The following ADIG variants were observed in gnomAD, a reference collection of about 807,000 sequenced individuals.
ADIG encodes adipogenin.
Under a neutral mutation model 10.7 loss-of-function variants are expected in ADIG, and 12 were observed. The observed-to-expected ratio is 1.12, with a 90% CI of 0.72 to 1.82. The LOEUF is 1.82. Among genes scored for constraint, ADIG ranks in the 40% most tolerant of loss-of-function variants. The pLI is 0.00. For synonymous variants in ADIG, 32 were observed against 35.6 expected (o/e 0.90, Z 0.36); for missense variants, 72 against 92.5 (o/e 0.78, Z 0.91).
Position 38,585,421 on chromosome 20 carries a change from A to G in ADIG, c.125-608A>G, listed in dbSNP as rs1026107680. On this transcript the variant is annotated intron_variant, in intron 1 of 2. Transcript: ENST00000537425. Reference sequence around the variant, plus strand: ...TCCTACATTTCTTTTTAATTTGCTTATAATATACCGTAGATATTCTGCAAG... The same window carrying G: ...TCCTACATTTCTTTTTAATTTGCTTGTAATATACCGTAGATATTCTGCAAG... 7.1e-6 allele frequency: 11 copies of G among 1,550,248 alleles called. No individual in the cohort carries two copies. In the African/African-American group the frequency reaches 1.4e-4, roughly 19 times the overall value.
At chr20:38,587,741 T>C (rs1357719086) in intron 2 of ADIG, among the ~76,000 whole-genome samples, 5 of 22,188 alleles carry the variant, frequency 2.3e-4, no homozygotes, top group Non-Finnish European at 2.2e-4. Flanking sequence ...CTTTTTTCCC[T>C]TTTTTTTTTT....
intron 1 of ADIG, among the ~76,000 whole-genome samples, chr20:38,584,181 T>C (rs2088614060): frequency 6.6e-6 from 1 of 151,842 alleles, no homozygotes; most frequent in Admixed American, 6.6e-5. Context: ...CTTTCCCAAG[T>C]CGAAGGAGGA....
At chr20:38,585,914 C>G in intron 1 of ADIG, 115 bp from the exon 2 acceptor site, 1 of 1,071,174 alleles carries the variant, frequency 9.3e-7, no homozygotes, top group South Asian at 1.5e-5. Context: ...CTGCCTTGGC[C>G]CTAGCCTCAG....
intron 1 of ADIG, among the ~76,000 whole-genome samples, chr20:38,583,435 A>G (rs931293578): frequency 1.3e-5 from 2 of 152,194 alleles, no homozygotes; most frequent in African/African-American, 4.8e-5. Flanking sequence ...AAATGGAGAC[A>G]ACACTAGTAC....
chr20:38,582,822 A>T (rs1188522673), intron 1 of ADIG, among the ~76,000 whole-genome samples: 236 of 148,740 alleles, frequency 1.6e-3, no homozygotes, highest in African/African-American at 5.3e-3. Flanking sequence ...TTTTTTTTTT[A>T]TTTTTATTTT....
intron 2 of ADIG, 46 bp from the exon 3 acceptor site, chr20:38,588,055 C>T (rs1310509808): frequency 8.0e-7 from 1 of 1,243,736 alleles, no homozygotes; most frequent in Non-Finnish European, 1.0e-6. Context: ...CCTCTTTTTT[C>T]TCATCCCAAT....
At chr20:38,588,013 C>G (rs2088652225) in intron 2 of ADIG, 88 bp from the exon 3 acceptor site, 2 of 1,212,042 alleles carry the variant, frequency 1.7e-6, no homozygotes, top group East Asian at 1.2e-4. Flanking sequence ...GCTGGGATTA[C>G]AGGCATGAAC....
At chr20:38,584,436 G>A (rs2088616924) in intron 1 of ADIG, among the ~76,000 whole-genome samples, 1 of 152,254 alleles carries the variant, frequency 6.6e-6, no homozygotes. Flanking sequence ...AAAGAGATGG[G>A]TTTGGGGCTG....
chr20:38,585,294 C>T, intron 1 of ADIG: 2 of 835,160 alleles, frequency 2.4e-6, no homozygotes, highest in Non-Finnish European at 3.7e-6. Flanking sequence ...TTTTTCTCAC[C>T]CTACCTCCCC....
At chr20:38,585,823 G>A (rs2088631217) in intron 1 of ADIG, 2 of 617,100 alleles carry the variant, frequency 3.2e-6, no homozygotes, top group Non-Finnish European at 5.7e-6. Flanking sequence ...CAAGTCACAG[G>A]AGCAGCCTTC....
At chr20:38,585,803 G>A (rs563247420) in intron 1 of ADIG, 29 of 607,924 alleles carry the variant, frequency 4.8e-5, no homozygotes, top group African/African-American at 1.9e-4. Flanking sequence ...CTCTAGATAC[G>A]GCCATTTTCC....
At chr20:38,583,748 A>T (rs972897355) in intron 1 of ADIG, among the ~76,000 whole-genome samples, 1 of 151,694 alleles carries the variant, frequency 6.6e-6, no homozygotes, top group African/African-American at 2.4e-5. Context: ...CCCCACTCCA[A>T]CCCCTCCGCA....
At chr20:38,582,240 T>C (rs1055034156) in intron 1 of ADIG, among the ~76,000 whole-genome samples, 1 of 152,160 alleles carries the variant, frequency 6.6e-6, no homozygotes, top group African/African-American at 2.4e-5. Context: ...CTACAAGGAA[T>C]ACAAAAATTA....
In ADIG at chr20:38,585,055, G is replaced by A. The variant is rs1238919600; in HGVS notation, c.125-974G>A. ...CTCCCAAAGTGCTGGGATTACAGGC[G>A]TGAGCCACTGTGCCCGGCCCCTACT... On this transcript the variant is annotated intron_variant, in intron 1 of 2. Transcript: ENST00000537425. Among the ~76,000 whole-genome samples the A allele has an allele frequency of 7.9e-5, 12 of 152,224 alleles. No individual in the cohort carries two copies. In the South Asian group the frequency reaches 1.9e-3, roughly 24 times the overall value.
At chr20:38,587,495 C>T (rs2088647539) in intron 2 of ADIG, among the ~76,000 whole-genome samples, 1 of 152,104 alleles carries the variant, frequency 6.6e-6, no homozygotes, top group Non-Finnish European at 1.5e-5. Flanking sequence ...ACCTGCAGTC[C>T]CACAAGGTCC....
At chr20:38,587,300 C>T (rs1313736412) in intron 2 of ADIG, among the ~76,000 whole-genome samples, 11 of 148,298 alleles carry the variant, frequency 7.4e-5, no homozygotes, top group East Asian at 3.9e-4. Context: ...TGTTCACTAG[C>T]CCCCGACCCT....
intron 2 of ADIG, 109 bp downstream of exon 2, chr20:38,586,270 G>GC: frequency 1.2e-6 from 1 of 822,290 alleles, no homozygotes; most frequent in East Asian, 2.7e-5. Flanking sequence ...ATGCTCCCTG[G>GC]CCATGCTGGA....
intron 2 of ADIG, 52 bp from the exon 3 acceptor site, chr20:38,588,048 CT>C: frequency 8.0e-7 from 1 of 1,244,606 alleles, no homozygotes; most frequent in Non-Finnish European, 1.0e-6. Flanking sequence ...TTACCCACCT[CT>C]TTTTTCTCAT....
chr20:38,586,355 C>T, intron 2 of ADIG, 194 bp downstream of exon 2: 2 of 562,128 alleles, frequency 3.6e-6, no homozygotes, highest in Non-Finnish European at 6.3e-6. Context: ...TGTTAAAGGG[C>T]CAGCCCCCTG....
Sources: allele counts gnomAD v4.1 joint callset (sites outside exome capture counted in the v4.1 genomes callset), GRCh38; gene constraint gnomAD v4.1.1; transcripts MANE v1.5; gene names NCBI Gene and HGNC (gene_info 2026-07-23, HGNC 2026-07-21).